Variants in SLC39A11 observed in about 807,000 individuals in gnomAD.
SLC39A11 encodes the protein solute carrier family 39 member 11, also known as zinc transporter ZIP11.
In SLC39A11, 33 loss-of-function variants were observed where a neutral mutation model predicts 36.1. That is an observed-to-expected ratio of 0.91 (90% confidence interval 0.69 to 1.22). The LOEUF is 1.22. Among genes scored for constraint, SLC39A11 ranks in the 50% most tolerant of loss-of-function variants. SLC39A11 has a pLI of 0.00. For missense variants in SLC39A11, 432 were observed against 430.3 expected, an observed-to-expected ratio of 1.00 and a Z score of -0.03; for synonymous variants, 166 against 170.3, an observed-to-expected ratio of 0.97 and a Z score of 0.20.
chr17:72,656,957 C>T (rs1159220349), intron 7 of SLC39A11, among the ~76,000 whole-genome samples: 1 of 151,336 alleles, frequency 6.6e-6, no homozygotes, highest in African/African-American at 2.4e-5. Context: ...GCCTGGGCAA[C>T]ATAGCAAGAC....
At chr17:72,677,226 G>A (rs1479916980) in intron 7 of SLC39A11, among the ~76,000 whole-genome samples, 2 of 152,164 alleles carry the variant, frequency 1.3e-5, no homozygotes, top group African/African-American at 4.8e-5. Context: ...ACCCTAGTGG[G>A]GTGGGAGTTG....
intron 7 of SLC39A11, among the ~76,000 whole-genome samples, chr17:72,692,178 A>AT (rs1361097113): frequency 2.0e-5 from 3 of 152,014 alleles, no homozygotes; most frequent in East Asian, 1.9e-4. Flanking sequence ...CACCTGGCTA[A>AT]TTTTTTGTAT....
chr17:72,985,122 A>G (rs7210436), intron 4 of SLC39A11, among the ~76,000 whole-genome samples: 146,224 of 152,252 alleles, frequency 0.96, 70,390 homozygotes, highest in East Asian at 0.99. Context: ...TGCACACTCC[A>G]CGTGGCTGAC....
intron 4 of SLC39A11, among the ~76,000 whole-genome samples, chr17:73,015,461 T>C (rs1410698729): frequency 6.6e-6 from 1 of 152,238 alleles, no homozygotes; most frequent in Admixed American, 6.5e-5. Context: ...CACATTAGCA[T>C]ATACAGTTTA....
chr17:72,999,415 A>G (rs1316649082), intron 4 of SLC39A11, among the ~76,000 whole-genome samples: 3 of 152,326 alleles, frequency 2.0e-5, no homozygotes, highest in Middle Eastern at 3.4e-3. Context: ...CAGTCCAGGA[A>G]TCTCATAGGG....
chr17:72,867,760 GCACACACA>G (rs887444124), intron 5 of SLC39A11, among the ~76,000 whole-genome samples: 100 of 80,546 alleles, frequency 1.2e-3, no homozygotes, highest in African/African-American at 4.7e-3. Context: ...AAGTGCGCGC[GCACACACA>G]CACACACACA....
At chr17:72,739,284 G>A (rs1056509618) in intron 6 of SLC39A11, among the ~76,000 whole-genome samples, 3 of 151,948 alleles carry the variant, frequency 2.0e-5, no homozygotes, top group Admixed American at 2.0e-4. Flanking sequence ...GCGCCACCAT[G>A]CCCAGCTAAT....
At chr17:73,073,162 G>A (rs531263636) in intron 3 of SLC39A11, among the ~76,000 whole-genome samples, 122 of 152,238 alleles carry the variant, frequency 8.0e-4, no homozygotes, top group Middle Eastern at 3.4e-3. Flanking sequence ...CCTGGGTGAC[G>A]GAGTGGGACT....
chr17:72,952,896 G>A (rs2085967812), intron 4 of SLC39A11, among the ~76,000 whole-genome samples: 1 of 152,176 alleles, frequency 6.6e-6, no homozygotes, highest in South Asian at 2.1e-4. Flanking sequence ...ACAACACACA[G>A]TGCTTCAGGT....
chr17:72,894,666 T>A (rs2081941271), intron 5 of SLC39A11, among the ~76,000 whole-genome samples: 1 of 87,278 alleles, frequency 1.1e-5, no homozygotes, highest in South Asian at 3.6e-4. Context: ...CAAGACCCTG[T>A]CTCAAAAAAA....
At chr17:72,694,168 C>A (rs1010465957) in intron 7 of SLC39A11, among the ~76,000 whole-genome samples, 19 of 152,184 alleles carry the variant, frequency 1.2e-4, no homozygotes, top group African/African-American at 3.9e-4. Context: ...GTGGGTGAGG[C>A]AGGGTGGCCC....
At chr17:72,970,269 A>G (rs2087341831) in intron 4 of SLC39A11, among the ~76,000 whole-genome samples, 1 of 152,232 alleles carries the variant, frequency 6.6e-6, no homozygotes, top group African/African-American at 2.4e-5. Flanking sequence ...GCTCTGAACT[A>G]GGAACCAGCT....
intron 6 of SLC39A11, among the ~76,000 whole-genome samples, chr17:72,831,916 T>C (rs1359169046): frequency 6.6e-6 from 1 of 152,158 alleles, no homozygotes; most frequent in African/African-American, 2.4e-5. Context: ...CAAAGATTAA[T>C]TGCCATTCTT....
chr17:73,041,238 A>C (rs2059105255), intron 3 of SLC39A11, among the ~76,000 whole-genome samples: 1 of 152,210 alleles, frequency 6.6e-6, no homozygotes, highest in African/African-American at 2.4e-5. Context: ...AAGGATCCAA[A>C]GGCCAAAGTC....
chr17:72,791,039 A>G (rs2076684008), intron 6 of SLC39A11, among the ~76,000 whole-genome samples: 1 of 152,244 alleles, frequency 6.6e-6, no homozygotes. Flanking sequence ...TCAGATCAGC[A>G]GCATCGGCAT....
At chr17:73,068,290 C>T in intron 3 of SLC39A11, 1 of 668,434 alleles carries the variant, frequency 1.5e-6, no homozygotes, top group Non-Finnish European at 2.7e-6. Flanking sequence ...CCTCCACCAT[C>T]TTGCTTGGAG....
intron 5 of SLC39A11, among the ~76,000 whole-genome samples, chr17:72,861,499 TGGGAATAAAGTAGGTCGCTA>T (rs2079982000): frequency 6.6e-6 from 1 of 151,324 alleles, no homozygotes; most frequent in Non-Finnish European, 1.5e-5. Flanking sequence ...GCCAGGAAGA[TGGGAATAAAGTAGGTCGCTA>T]GCATCCTTAA....
At chr17:72,741,728 G>C (rs902964967) in intron 6 of SLC39A11, among the ~76,000 whole-genome samples, 1 of 152,192 alleles carries the variant, frequency 6.6e-6, no homozygotes, top group African/African-American at 2.4e-5. Context: ...GGTGATGGGA[G>C]CTGGTCTGAG....
intron 6 of SLC39A11, among the ~76,000 whole-genome samples, chr17:72,790,238 G>C (rs1261240321): frequency 1.3e-5 from 2 of 152,154 alleles, no homozygotes; most frequent in African/African-American, 4.8e-5. Flanking sequence ...AGCCAGGCTG[G>C]GGGGTCATCC....
Sources: allele counts gnomAD v4.1 joint callset (sites outside exome capture counted in the v4.1 genomes callset), GRCh38; gene constraint gnomAD v4.1.1; transcripts MANE v1.5; gene names NCBI Gene and HGNC (gene_info 2026-07-23, HGNC 2026-07-21).